Variants in SHC2 observed in about 807,000 individuals in gnomAD.
SHC2 encodes SHC adaptor protein 2, also known as SHC-transforming protein 2.
A neutral mutation model predicts 60.6 loss-of-function variants in SHC2; 62 were observed. The ratio of observed to expected loss-of-function variants is 1.02; its 90% CI spans 0.83 to 1.26. The LOEUF (loss-of-function observed/expected upper bound fraction) is 1.26, where lower values mean the gene tolerates loss of function less well. Ranked by LOEUF, SHC2 falls within the 50% of genes most tolerant of loss-of-function variation. The probability of loss-of-function intolerance (pLI) is 0.00; values close to 1 mark genes in which losing one functional copy is unlikely to be tolerated. For missense variants in SHC2, 873 were observed against 822.2 expected, an observed-to-expected ratio of 1.06 and a Z score of -0.76; for synonymous variants, 375 against 372.4, an observed-to-expected ratio of 1.01 and a Z score of -0.08.
At chr19:430,875 C>T in intron 8 of SHC2, 128 bp from the exon 9 acceptor site, 5 of 792,896 alleles carry the variant, frequency 6.3e-6, no homozygotes, top group Non-Finnish European at 1.0e-5. Context: ...CAGCCCTGGC[C>T]CTCCCATTGC....
chr19:441,044 C>A lies in SHC2; in HGVS notation c.469-112G>T, dbSNP rs1449098094. The A allele has an allele frequency of 2.6e-6, 4 of 1,531,946 alleles. No homozygotes were observed. The South Asian group carries it at 4.7e-5, about 18-fold the overall frequency. The allele number at this position is 1,531,946 out of a possible 1,614,324, so 94.9% of individuals were successfully genotyped here. On this transcript the variant is annotated intron_variant, in intron 1 of 12. Transcript: ENST00000264554. This position sits in a 1 kb window ranked among gnomAD's most constrained non-coding sequence, Gnocchi z 4.9. ...ACCACCCCTGGGGTCGAGCCCTTTC[C>A]TCTGTCCCTGGTGGCTCTGGGGCCG...
rs534033871 is a variant in SHC2, at chr19:455,947, G to T, written c.468+4582C>A. Among the ~76,000 whole-genome samples the T allele has an allele frequency of 1.8e-4, 24 of 130,024 alleles. 1 individual carries two copies. In the South Asian group the frequency reaches 5.6e-3, roughly 30 times the overall value. The allele number at this position is 130,024 out of a possible 152,430, so 85.3% of individuals were successfully genotyped here. ...TCGCCGTGTGAGGGGCACCTTCACA[G>T]AATCCGAGGGTGGATGTGGACACGG... On this transcript the variant is annotated intron_variant, in intron 1 of 12. Coordinates refer to ENST00000264554, the MANE Select transcript of SHC2 (RefSeq NM_012435.3).
chr19:442,954 G>GTGC (rs1974938128), intron 1 of SHC2, among the ~76,000 whole-genome samples: 1 of 32,898 alleles, frequency 3.0e-5, no homozygotes, highest in African/African-American at 1.7e-4. Context: ...TGAATGGATG[G>GTGC]ATGGACGGGT....
rs567013256 is a variant in SHC2, at chr19:451,033, C to T, written c.468+9496G>A. On this transcript the variant is annotated intron_variant, in intron 1 of 12. Transcript: ENST00000264554. ...TATTTCAGCGTGTGGATGGCCACGC[C>T]GTGGCCACATCATATTTCAGCGTGT... Among the ~76,000 whole-genome samples the T allele has an allele frequency of 6.7e-3, 940 of 139,320 alleles. 5 individuals are homozygous for T. Among genetic ancestry groups the T allele is most frequent in the African/African-American group, 0.024 (866 of 35,682 alleles). The allele number at this position is 139,320 out of a possible 152,430, so 91.4% of individuals were successfully genotyped here. A position where few individuals can be genotyped will look rare whatever the true frequency, so the allele number is the denominator to read the frequency against.
In SHC2 at chr19:458,321, C is replaced by T. The variant is rs1375944734; in HGVS notation, c.468+2208G>A. 2.5e-4 allele frequency among the ~76,000 whole-genome samples: 28 copies of T among 109,950 alleles called. 2 individuals are homozygous for T. The highest frequency in any genetic ancestry group is 8.4e-4 in the African/African-American group (23 of 27,290). The allele number at this position is 109,950 out of a possible 152,430, so 72.1% of individuals were successfully genotyped here. ...GAGGCGGAAGCGGGTCTTGGGGAGG[C>T]GGAAGCGGGTTCCGGGGAGACAGAA... On this transcript the variant is annotated intron_variant, in intron 1 of 12. Transcript: ENST00000264554.
At chr19:430,588 C>T in intron 9 of SHC2, 96 bp downstream of exon 9, 1 of 899,258 alleles carries the variant, frequency 1.1e-6, no homozygotes, top group Non-Finnish European at 1.7e-6. Context: ...GTGAAATAAG[C>T]AGAGAGGAGA....
At position 425,048 on chromosome 19, in the gene SHC2, G is replaced by C. The variant is rs780417276; in HGVS notation, c.1309+49C>G. 10 of 1,341,416 alleles carry C rather than the reference G, an allele frequency of 7.5e-6. No homozygotes were observed. Among genetic ancestry groups the C allele is most frequent in the Non-Finnish European group, 8.7e-6 (9 of 1,036,570 alleles). 83.1% of individuals were successfully genotyped at this position (1,341,416 alleles called of 1,614,324 possible). A position where few individuals can be genotyped will look rare whatever the true frequency, so the allele number is the denominator to read the frequency against. ...GGGTGGGGTTGTGCCTCCCCCATCA[G>C]ACAACACGGCCACACGCGATGACGG... On this transcript the variant is annotated intron_variant, in intron 10 of 12. Coordinates refer to ENST00000264554, the MANE Select transcript of SHC2 (RefSeq NM_012435.3). The surrounding 1 kb of genome is among the most constrained non-coding windows in gnomAD (Gnocchi z 4.1).
At chr19:430,791 C>A in intron 8 of SHC2, 44 bp from the exon 9 acceptor site, 1 of 1,579,840 alleles carries the variant, frequency 6.3e-7, no homozygotes, top group South Asian at 1.1e-5. Flanking sequence ...GTGCAAGCCC[C>A]TCTTCCTGGC....
intron 8 of SHC2, 63 bp from the exon 9 acceptor site, chr19:430,810 C>T (rs1974567047): frequency 8.7e-6 from 13 of 1,491,422 alleles, no homozygotes; most frequent in Non-Finnish European, 1.2e-5. Context: ...GCTCTGGACC[C>T]CCAGTCTCCC....
chr19:443,072 TGGGTGGATGGATGGA>T (rs1435816040), intron 1 of SHC2, among the ~76,000 whole-genome samples: 6 of 114,692 alleles, frequency 5.2e-5, no homozygotes, highest in African/African-American at 6.9e-5. Context: ...AGTGGATGGG[TGGGTGGATGGATGGA>T]GGGTGGATGG....
At position 453,519 on chromosome 19, in the gene SHC2, G is replaced by A. The variant is rs910609142; in HGVS notation, c.468+7010C>T. On this transcript the variant is annotated intron_variant, in intron 1 of 12. Transcript: ENST00000264554. The surrounding 1 kb of genome is among the most constrained non-coding windows in gnomAD (Gnocchi z 6.3). ...ACTCCTGGGCTCAAGTGATCCTGCC[G>A]CCTTGGTCTTCCAAAATGCTGGATT... Among the ~76,000 whole-genome samples the A allele has an allele frequency of 8.5e-5, 13 of 152,180 alleles. 1 individual carries two copies. In the East Asian group the frequency reaches 1.2e-3, roughly 14 times the overall value.
At chr19:448,772 C>T (rs996490305) in intron 1 of SHC2, among the ~76,000 whole-genome samples, 3 of 152,240 alleles carry the variant, frequency 2.0e-5, no homozygotes, top group South Asian at 2.1e-4. Flanking sequence ...AACTGAGGGA[C>T]GGCAGCCCAG....
Position 445,401 on chromosome 19 carries a change from G to A in SHC2, c.469-4469C>T, listed in dbSNP as rs904003028. ...CTCGCCAGACACTGAATCTTCCGGC[G>A]CCTCGATCGTGGCCCTCCCAGCCTC... is the stretch of plus-strand genomic sequence containing the variant. On this transcript the variant is annotated intron_variant, in intron 1 of 12. Transcript: ENST00000264554. This position sits in a 1 kb window ranked among gnomAD's most constrained non-coding sequence, Gnocchi z 4.4. 6.6e-5 allele frequency among the ~76,000 whole-genome samples: 10 copies of A among 152,132 alleles called. No homozygotes were observed. The highest frequency in any genetic ancestry group is 2.2e-4 in the African/African-American group (9 of 41,430).
At chr19:447,500 C>T (rs560892228) in intron 1 of SHC2, among the ~76,000 whole-genome samples, 28 of 152,310 alleles carry the variant, frequency 1.8e-4, no homozygotes, top group African/African-American at 6.0e-4. Flanking sequence ...GCATGAGAGC[C>T]GGGCACAATG....
intron 1 of SHC2, among the ~76,000 whole-genome samples, chr19:457,563 C>A (rs1975378895): frequency 6.6e-6 from 1 of 152,102 alleles, no homozygotes; most frequent in Non-Finnish European, 1.5e-5. Context: ...GACTGTCTCT[C>A]CTACTGGAAT....
At position 440,749 on chromosome 19, in the gene SHC2, G is replaced by T; in HGVS notation, c.539+113C>A. On this transcript the variant is annotated intron_variant, in intron 2 of 12. Transcript: ENST00000264554. The surrounding 1 kb of genome is among the most constrained non-coding windows in gnomAD (Gnocchi z 7.0). The stretch of plus-strand genomic sequence containing the variant: ...GGGAGGTGGGGGGCACCGAGGCTGC[G>T]TCCTGGGACCCCAGCGCGGCTGTCG... 1.1e-6 allele frequency: 1 copy of T among 900,580 alleles called. No homozygotes were observed. The highest frequency in any genetic ancestry group is 1.8e-6 in the Non-Finnish European group (1 of 553,548). The allele number at this position is 900,580 out of a possible 1,614,324, so 55.8% of individuals were successfully genotyped here.
chr19:443,579 T>G (rs1167860227), intron 1 of SHC2, among the ~76,000 whole-genome samples: 1 of 139,526 alleles, frequency 7.2e-6, no homozygotes. Flanking sequence ...GATGGACGGG[T>G]GGGTGGATGA....
At position 454,509 on chromosome 19, in the gene SHC2, G is replaced by T. The variant is rs555342845; in HGVS notation, c.468+6020C>A. Reference sequence around the variant, plus strand: ...GGGCTTAAGACAACAGAAATGGGCCGGACGCGACGGCGCACACCTGTCATC... The same window carrying T: ...GGGCTTAAGACAACAGAAATGGGCCTGACGCGACGGCGCACACCTGTCATC... On this transcript the variant is annotated intron_variant, in intron 1 of 12. Coordinates refer to ENST00000264554, the MANE Select transcript of SHC2 (RefSeq NM_012435.3). Among the ~76,000 whole-genome samples the T allele has an allele frequency of 3.0e-4, 45 of 152,314 alleles. 1 individual carries two copies. The South Asian group carries it at 9.1e-3, about 31-fold the overall frequency.
chr19:426,863 C>T lies in SHC2; in HGVS notation c.1175-1632G>A, dbSNP rs1010157100. ...GGACGACAGTGCGAGGGGCAGAGTC[C>T]GGGGAGGGAGGACGACAGTGCGAGA... On this transcript the variant is annotated intron_variant, in intron 9 of 12. Transcript: ENST00000264554. Among the ~76,000 whole-genome samples the T allele has an allele frequency of 7.9e-5, 12 of 151,616 alleles. No individual in the cohort carries two copies. In the East Asian group the frequency reaches 1.7e-3, roughly 22 times the overall value.
Sources: gnomAD v4.1 joint callset for allele counts (sites outside exome capture counted in the v4.1 genomes callset) on GRCh38, gnomAD v4.1.1 for gene constraint, Gnocchi (gnomAD v3.1) non-coding constraint, MANE v1.5 for transcripts, NCBI Gene and HGNC (gene_info 2026-07-23, HGNC 2026-07-21) for gene names.